Variants in PDE10A observed in about 807,000 individuals in gnomAD.
PDE10A encodes the protein phosphodiesterase 10A.
PDE10A carries 39 observed loss-of-function variants against 97.7 expected under a neutral mutation model. The observed-to-expected ratio is 0.40, with a 90% CI of 0.31 to 0.52. The LOEUF (loss-of-function observed/expected upper bound fraction) is 0.52, where lower values mean the gene tolerates loss of function less well. Ranked by LOEUF, PDE10A falls within the 20% of genes least tolerant of loss-of-function variation. The pLI is 0.56. For synonymous variants in PDE10A, 371 were observed against 376.8 expected (o/e 0.98, Z 0.18); for missense variants, 731 against 1,047.8 (o/e 0.70, Z 4.17).
At chr6:165,458,162 A>G (rs1778073077) in intron 3 of PDE10A, among the ~76,000 whole-genome samples, 1 of 152,030 alleles carries the variant, frequency 6.6e-6, no homozygotes, top group Admixed American at 6.6e-5. Flanking sequence ...ATAATGTTTT[A>G]TTTTGACATA....
At chr6:165,681,846 G>A (rs146250817) in intron 1 of PDE10A, among the ~76,000 whole-genome samples, 2,124 of 152,256 alleles carry the variant, frequency 0.014, 26 homozygotes, top group South Asian at 0.048. Context: ...GAAGCTCAGA[G>A]AGGCTCACTG....
chr6:165,762,582 A>G (rs1793277104), intron 1 of PDE10A, among the ~76,000 whole-genome samples: 1 of 152,226 alleles, frequency 6.6e-6, no homozygotes, highest in Non-Finnish European at 1.5e-5. Flanking sequence ...ATATTTTACA[A>G]TCACATTATA....
intron 1 of PDE10A, among the ~76,000 whole-genome samples, chr6:165,631,901 T>A (rs1788647534): frequency 6.6e-6 from 1 of 152,140 alleles, no homozygotes; most frequent in South Asian, 2.1e-4. Flanking sequence ...AAATATTGTT[T>A]TAAAGATACT....
In PDE10A at chr6:165,632,200, CAAAAAAAAAA is replaced by C. The variant is rs71552885; in HGVS notation, c.865+29737_865+29746del. The stretch of plus-strand genomic sequence containing the variant: ...GAGTGATAAGAGGGAGAGTCCATCT[CAAAAAAAAAA>C]AAAAAAAAAAAAGATACTGAGTCTG... On this transcript the variant is annotated intron_variant, in intron 1 of 21. Coordinates refer to ENST00000539869, the MANE Select transcript of PDE10A (RefSeq NM_001385079.1). Among the ~76,000 whole-genome samples, 141 of 67,286 alleles carry C rather than the reference CAAAAAAAAAA, an allele frequency of 2.1e-3. No individual in the cohort carries two copies. In the Middle Eastern group the frequency reaches 0.031, roughly 15 times the overall value. 44.1% of individuals were successfully genotyped at this position (67,286 alleles called of 152,430 possible).
intron 1 of PDE10A, among the ~76,000 whole-genome samples, chr6:165,724,632 T>C (rs1159227725): frequency 2.0e-5 from 3 of 152,242 alleles, no homozygotes; most frequent in African/African-American, 7.2e-5. Context: ...CTTATAATTC[T>C]TCTAAGATAG....
chr6:165,352,484 T>A (rs1005784167), intron 18 of PDE10A, among the ~76,000 whole-genome samples: 1 of 152,168 alleles, frequency 6.6e-6, no homozygotes, highest in African/African-American at 2.4e-5. Flanking sequence ...TATTACCATA[T>A]ATTAGCTATA....
Position 165,741,445 on chromosome 6 carries a change from G to A in PDE10A, c.-614-197877C>T, listed in dbSNP as rs548697443. Among the ~76,000 whole-genome samples the A allele has an allele frequency of 4.7e-4, 72 of 152,172 alleles. 2 individuals are homozygous for A. The Middle Eastern group carries it at 0.01, about 22-fold the overall frequency. On this transcript the variant is annotated intron_variant, in intron 1 of 19. Coordinates refer to the PDE10A transcript ENST00000366882. ...TTATTAGATGGATCAAAATTTTAAAGTCCGACAAGTCAAATGTTGACAAAG... is the reference window on the plus strand; with the variant it reads ...TTATTAGATGGATCAAAATTTTAAAATCCGACAAGTCAAATGTTGACAAAG...
intron 18 of PDE10A, among the ~76,000 whole-genome samples, chr6:165,347,840 C>CAT (rs746534139): frequency 7.3e-5 from 11 of 151,702 alleles, no homozygotes; most frequent in East Asian, 1.9e-4. Flanking sequence ...TACATTATGG[C>CAT]ATATATATAT....
chr6:165,928,216 C>T (rs952630217), intron 1 of PDE10A, among the ~76,000 whole-genome samples: 2 of 152,138 alleles, frequency 1.3e-5, no homozygotes, highest in East Asian at 1.9e-4. Flanking sequence ...CCTGCATGGG[C>T]GTCCTCAAAG....
intron 1 of PDE10A, among the ~76,000 whole-genome samples, chr6:165,641,998 C>T (rs996375416): frequency 5.7e-5 from 8 of 140,570 alleles, no homozygotes; most frequent in Non-Finnish European, 1.1e-4. Context: ...GACGCCCATT[C>T]GGGGCGTGGA....
intron 13 of PDE10A, among the ~76,000 whole-genome samples, chr6:165,406,942 G>C (rs1265498686): frequency 6.6e-6 from 1 of 152,040 alleles, no homozygotes; most frequent in Non-Finnish European, 1.5e-5. Flanking sequence ...CAAGCCTTTG[G>C]CCTCTGACTC....
intron 13 of PDE10A, among the ~76,000 whole-genome samples, chr6:165,399,835 T>C (rs116529938): frequency 6.6e-6 from 1 of 152,230 alleles, no homozygotes. Context: ...CTGTTGGACA[T>C]GTGGCTTGGT....
chr6:165,856,164 A>T (rs376602158), intron 1 of PDE10A, among the ~76,000 whole-genome samples: 4 of 152,134 alleles, frequency 2.6e-5, no homozygotes, highest in African/African-American at 9.7e-5. Flanking sequence ...GCTGGAGAGG[A>T]GGACTGATGC....
At chr6:165,793,484 T>TG (rs1778713754) in intron 1 of PDE10A, among the ~76,000 whole-genome samples, 1 of 152,046 alleles carries the variant, frequency 6.6e-6, no homozygotes, top group Non-Finnish European at 1.5e-5. Flanking sequence ...GACCCGGGGC[T>TG]GGGGGGCGTG....
At chr6:165,631,296 T>C (rs1248453090) in intron 1 of PDE10A, among the ~76,000 whole-genome samples, 3 of 152,236 alleles carry the variant, frequency 2.0e-5, no homozygotes, top group Non-Finnish European at 2.9e-5. Flanking sequence ...TCAGTGAGAA[T>C]TGTTATACAC....
intron 18 of PDE10A, among the ~76,000 whole-genome samples, chr6:165,344,648 T>C (rs1782190906): frequency 1.3e-5 from 2 of 152,214 alleles, no homozygotes; most frequent in South Asian, 2.1e-4. Context: ...TAGCACATCT[T>C]AGCTCAAGCT....
chr6:165,608,287 T>C (rs1415996163), intron 1 of PDE10A, among the ~76,000 whole-genome samples: 1 of 106,316 alleles, frequency 9.4e-6, no homozygotes, highest in African/African-American at 3.6e-5. Flanking sequence ...CAGGCGCCAG[T>C]GTGTGATATA....
chr6:165,975,506 G>C (rs1377996404), intron 1 of PDE10A, among the ~76,000 whole-genome samples: 1 of 152,152 alleles, frequency 6.6e-6, no homozygotes, highest in Non-Finnish European at 1.5e-5. Flanking sequence ...AAAAGTTTAA[G>C]AGCACTTAAC....
intron 1 of PDE10A, among the ~76,000 whole-genome samples, chr6:165,785,800 C>G (rs1778476507): frequency 6.6e-6 from 1 of 152,174 alleles, no homozygotes. Flanking sequence ...TGGGAACTTT[C>G]AGGAACGGAT....
Sources: gnomAD v4.1 joint callset for allele counts (sites outside exome capture counted in the v4.1 genomes callset) on GRCh38, gnomAD v4.1.1 for gene constraint, MANE v1.5 for transcripts, NCBI Gene and HGNC (gene_info 2026-07-23, HGNC 2026-07-21) for gene names.